The following RRM1 variants were observed in gnomAD, a reference collection of about 807,000 sequenced individuals.
RRM1 encodes ribonucleoside-diphosphate reductase large subunit.
In RRM1, 19 loss-of-function variants were observed where a neutral mutation model predicts 101.5. The ratio of observed to expected loss-of-function variants is 0.19; its 90% CI spans 0.13 to 0.27. The LOEUF is 0.27. RRM1 is among the 10% of genes least tolerant of loss of function. The pLI, the probability that RRM1 is intolerant of heterozygous loss-of-function variation, is 1.00. For synonymous variants in RRM1, 298 were observed against 323.4 expected (o/e 0.92, Z 0.84); for missense variants, 500 against 962.9 (o/e 0.52, Z 6.36).
Position 4,123,370 on chromosome 11 carries a change from A to T in RRM1, c.1306A>T (p.Thr436Ser). The change falls in exon 12 of 19, where the codon ACC (threonine) becomes TCC (serine). Residue 436 changes from threonine (T) to serine (S), a missense_variant. Physicochemically the swap from Thr to Ser is moderately conservative, Grantham distance 58. Around this residue, in one of 9 missense-constraint regions of RRM1, gnomAD observed 80 missense variants for 170.9 expected, o/e 0.47. Coordinates refer to ENST00000300738, the MANE Select transcript of RRM1 (RefSeq NM_001033.5). ...SNLCTEIVEYTSKDEVAVCNL... is the reference protein window; with the variant it reads ...SNLCTEIVEYSSKDEVAVCNL... The stretch of plus-strand genomic sequence containing the variant: ...CCTGTGCACAGAAATAGTGGAGTAC[A>T]CCAGCAAAGATGAGGTAGGTAGAAA... 6.2e-7 allele frequency: 1 copy of T among 1,613,998 alleles called. No individual in the cohort carries two copies. The highest frequency in any genetic ancestry group is 8.5e-7 in the Non-Finnish European group (1 of 1,179,878).
chr11:4,116,834 G>C (rs112268991), intron 7 of RRM1, among the ~76,000 whole-genome samples: 2 of 151,990 alleles, frequency 1.3e-5, no homozygotes. Flanking sequence ...AGGCGTGGTG[G>C]TGCACACCTG....
intron 7 of RRM1, 57 bp downstream of exon 7, chr11:4,112,119 C>A: frequency 1.5e-6 from 2 of 1,348,748 alleles, no homozygotes; most frequent in Non-Finnish European, 2.1e-6. Context: ...GCAGTTAGTT[C>A]ATCACATAAA....
At chr11:4,114,860 G>A (rs566128366) in intron 7 of RRM1, among the ~76,000 whole-genome samples, 86 of 152,078 alleles carry the variant, frequency 5.7e-4, no homozygotes, top group Middle Eastern at 3.4e-3. Context: ...TTACAGGCGT[G>A]CACCACCACA....
At chr11:4,114,521 G>A (rs541570777) in intron 7 of RRM1, among the ~76,000 whole-genome samples, 12 of 149,186 alleles carry the variant, frequency 8.0e-5, no homozygotes, top group African/African-American at 2.7e-4. Context: ...CTACACTCCA[G>A]CCTGGGCAAC....
Position 4,121,748 on chromosome 11 carries a change from C to G in RRM1, c.1021C>G (p.Arg341Gly). 6.2e-7 allele frequency: 1 copy of G among 1,610,304 alleles called. No homozygotes were observed. The highest frequency in any genetic ancestry group is 8.5e-7 in the Non-Finnish European group (1 of 1,178,626). The part of the protein sequence containing the change: ...ALWIPDLFMK[R>G]VETNQDWSLM... ...TTGGATTCCGGATCTCTTCATGAAACGAGTGGAGACTAATCAGGTGAGAGA... is the reference window on the plus strand; with the variant it reads ...TTGGATTCCGGATCTCTTCATGAAAGGAGTGGAGACTAATCAGGTGAGAGA... The change falls in exon 10 of 19, where the codon CGA (arginine) becomes GGA (glycine). Residue 341 changes from arginine (R) to glycine (G), a missense_variant. Arg to Gly is a moderately radical substitution (Grantham distance 125). Coordinates refer to ENST00000300738, the MANE Select transcript of RRM1 (RefSeq NM_001033.5).
intron 18 of RRM1, 112 bp downstream of exon 18, chr11:4,135,382 G>C: frequency 1.2e-6 from 1 of 804,722 alleles, no homozygotes; most frequent in East Asian, 2.8e-5. Context: ...AGTTCTTTAA[G>C]TTCAAATCCA....
chr11:4,120,415 G>A (rs959814222), intron 9 of RRM1, among the ~76,000 whole-genome samples: 8 of 151,936 alleles, frequency 5.3e-5, no homozygotes, highest in Non-Finnish European at 1.2e-4. Context: ...CCAGGCTGGA[G>A]TGCAATGGTG....
chr11:4,095,891 C>G (rs2094542946), intron 1 of RRM1, among the ~76,000 whole-genome samples: 1 of 152,140 alleles, frequency 6.6e-6, no homozygotes, highest in South Asian at 2.1e-4. Context: ...GCATGAGATA[C>G]GTATGAACAA....
chr11:4,120,786 G>T (rs189070470), intron 9 of RRM1, among the ~76,000 whole-genome samples: 65 of 152,288 alleles, frequency 4.3e-4, no homozygotes, highest in Admixed American at 2.1e-3. Context: ...TGGGCTGATC[G>T]TGTAAGCTCA....
chr11:4,138,153 T>C (rs1325709149), intron 18 of RRM1, 42 bp from the exon 19 acceptor site: 1 of 1,172,724 alleles, frequency 8.5e-7, no homozygotes. Flanking sequence ...TCTAGTATTC[T>C]CACAGAGTTT....
At chr11:4,126,045 C>CATATAA (rs1472725429) in intron 12 of RRM1, among the ~76,000 whole-genome samples, 3 of 152,224 alleles carry the variant, frequency 2.0e-5, no homozygotes, top group Non-Finnish European at 2.9e-5. Flanking sequence ...TAGTGCTAAA[C>CATATAA]ATATAAATAT....
intron 1 of RRM1, among the ~76,000 whole-genome samples, chr11:4,096,447 A>G (rs1360124484): frequency 6.6e-6 from 1 of 152,256 alleles, no homozygotes; most frequent in Non-Finnish European, 1.5e-5. Context: ...TGGTTTAACT[A>G]CAGCCAATGT....
At chr11:4,110,768 CAAA>C (rs968622381) in intron 5 of RRM1, among the ~76,000 whole-genome samples, 7 of 51,362 alleles carry the variant, frequency 1.4e-4, no homozygotes, top group Admixed American at 2.0e-4. Context: ...GACTCTGTCT[CAAA>C]AAAAAAAAAA....
At chr11:4,101,758 A>G (rs2094551733) in intron 1 of RRM1, among the ~76,000 whole-genome samples, 1 of 152,198 alleles carries the variant, frequency 6.6e-6, no homozygotes, top group Admixed American at 6.5e-5. Context: ...GGGATGGGGG[A>G]AAAATTTAGG....
At chr11:4,107,566 T>G in intron 4 of RRM1, 31 bp downstream of exon 4, 1 of 1,401,912 alleles carries the variant, frequency 7.1e-7, no homozygotes, top group Non-Finnish European at 1.0e-6. Flanking sequence ...GTGGAAATTT[T>G]TTGAGAGTCT....
intron 4 of RRM1, among the ~76,000 whole-genome samples, chr11:4,108,597 C>CA (rs754848612): frequency 0.022 from 1,609 of 72,744 alleles, 84 homozygotes; most frequent in African/African-American, 0.082. Context: ...GACTCAGTCT[C>CA]AAAAAAAAAA....
chr11:4,104,532 T>C (rs2094555935), intron 2 of RRM1, among the ~76,000 whole-genome samples: 1 of 152,182 alleles, frequency 6.6e-6, no homozygotes, highest in South Asian at 2.1e-4. Flanking sequence ...GAACTTATAA[T>C]GTGGCCTTGA....
chr11:4,118,749 G>A (rs1231044693), intron 8 of RRM1, among the ~76,000 whole-genome samples: 1 of 152,132 alleles, frequency 6.6e-6, no homozygotes, highest in Admixed American at 6.5e-5. Flanking sequence ...ATTGCTTACT[G>A]TATGTTAAGT....
chr11:4,118,316 G>T lies in RRM1; in HGVS notation c.651-4G>T. ...TCTAAGTTGAGACATTTTTTCCCCCGTAGCTGTTTTCTTCTGAGTATGAAA... is the reference window on the plus strand; with the variant it reads ...TCTAAGTTGAGACATTTTTTCCCCCTTAGCTGTTTTCTTCTGAGTATGAAA... On this transcript the variant is annotated splice_region_variant and splice_polypyrimidine_tract_variant and intron_variant, in intron 7 of 18. Coordinates refer to ENST00000300738, the MANE Select transcript of RRM1 (RefSeq NM_001033.5). 6.2e-7 allele frequency: 1 copy of T among 1,602,444 alleles called. No homozygotes were observed. The highest frequency in any genetic ancestry group is 1.4e-5 in the African/African-American group (1 of 73,820).
Sources: allele counts gnomAD v4.1 joint callset (sites outside exome capture counted in the v4.1 genomes callset), GRCh38; gene constraint gnomAD v4.1.1; regional missense constraint gnomAD v4.1.1; transcripts MANE v1.5; gene names NCBI Gene and HGNC (gene_info 2026-07-23, HGNC 2026-07-21).